KIRREL3: variants seen among roughly 807,000 people sequenced by gnomAD.
KIRREL3 encodes the protein kin of IRRE-like protein 3.
In KIRREL3, 36 loss-of-function variants were observed where a neutral mutation model predicts 89.7. The observed-to-expected ratio is 0.40, with a 90% CI of 0.31 to 0.53. The LOEUF is 0.53. KIRREL3 is among the 20% of genes least tolerant of loss of function. The probability of loss-of-function intolerance (pLI) is 0.49; values close to 1 mark genes in which losing one functional copy is unlikely to be tolerated. For synonymous variants in KIRREL3, 445 were observed against 441.4 expected (o/e 1.01, Z -0.10); for missense variants, 864 against 1,056.6 (o/e 0.82, Z 2.53).
At chr11:126,548,608 T>G (rs1007513122) in intron 2 of KIRREL3, among the ~76,000 whole-genome samples, 5 of 152,348 alleles carry the variant, frequency 3.3e-5, no homozygotes, top group Admixed American at 6.5e-5. Context: ...CATGTCAATT[T>G]CCAACCCTCC....
intron 1 of KIRREL3, chr11:126,944,964 G>T (rs1948575296): frequency 6.6e-6 from 1 of 152,132 alleles, no homozygotes; most frequent in Non-Finnish European, 1.5e-5. Context: ...TGGTTTACTG[G>T]AGTCCTATGT....
rs371598216 is a variant in KIRREL3, at chr11:126,456,393, A to G, written c.804T>C (p.Thr268=). The G allele has an allele frequency of 1.8e-5, 28 of 1,595,020 alleles. No homozygotes were observed. Among genetic ancestry groups the G allele is most frequent in the Non-Finnish European group, 2.2e-5 (26 of 1,170,938 alleles). The change falls in exon 7 of 17, where the codon ACT becomes ACC. Residue 268 remains threonine (T), a synonymous_variant. Coordinates refer to ENST00000525144, the MANE Select transcript of KIRREL3 (RefSeq NM_032531.4). ...GGTTGGCCTTTGCAGAGCAGTGGAA[A>G]GTGACGACGTTGTCCTCCAGCACTG... is the stretch of plus-strand genomic sequence containing the variant. ...PQPVLEDNVV[T]FHCSAKANPA... is the part of the protein sequence containing the mutation.
Position 126,473,371 on chromosome 11 carries a change from G to C in KIRREL3, c.529C>G (p.Pro177Ala). The C allele has an allele frequency of 6.4e-7, 1 of 1,574,488 alleles. No individual in the cohort carries two copies. The highest frequency in any genetic ancestry group is 1.2e-5 in the South Asian group (1 of 86,058). Reference sequence around the variant, plus strand: ...CGCAACCAGATGATGGAGGCTGCAGGCTTGGCATTGTCTGCGTGGCAGGTG... The same window carrying C: ...CGCAACCAGATGATGGAGGCTGCAGCCTTGGCATTGTCTGCGTGGCAGGTG... ...NLTCHADNAK[P>A]AASIIWLRKG... Residue 177 changes from proline (P) to alanine (A), a missense_variant, in exon 5 of 17, where the codon CCT becomes GCT. Transcript: ENST00000525144.
At chr11:126,468,021 G>A (rs576256726) in intron 5 of KIRREL3, among the ~76,000 whole-genome samples, 40 of 152,194 alleles carry the variant, frequency 2.6e-4, no homozygotes, top group Non-Finnish European at 5.0e-4. Flanking sequence ...GAGGCCAGTG[G>A]TCCTGGTGGT....
chr11:126,777,277 G>A (rs1440400464), intron 1 of KIRREL3, among the ~76,000 whole-genome samples: 3 of 152,134 alleles, frequency 2.0e-5, no homozygotes, highest in Non-Finnish European at 4.4e-5. Context: ...GAATTATCTG[G>A]CCCCAAATGT....
At chr11:126,925,979 G>A (rs1355368363) in intron 1 of KIRREL3, among the ~76,000 whole-genome samples, 3 of 152,222 alleles carry the variant, frequency 2.0e-5, no homozygotes, top group Non-Finnish European at 4.4e-5. Context: ...CTCATCCTAT[G>A]TACTGCAGTG....
In KIRREL3 at chr11:126,477,828, G is replaced by A. The variant is rs993203414; in HGVS notation, c.434-4362C>T. 2.6e-5 allele frequency among the ~76,000 whole-genome samples: 4 copies of A among 152,126 alleles called. No individual in the cohort carries two copies. Among genetic ancestry groups the A allele is most frequent in the Admixed American group, 2.0e-4 (3 of 15,264 alleles). ...ATGGCTGATCGGTGGCAGCTGGAGG[G>A]GTGGGGGACCAGCAGCACCACCCTC... On this transcript the variant is annotated intron_variant, in intron 4 of 16. Transcript: ENST00000525144. The surrounding 1 kb of genome is among the most constrained non-coding windows in gnomAD (Gnocchi z 4.8).
intron 1 of KIRREL3, among the ~76,000 whole-genome samples, chr11:126,774,213 A>G (rs1270236533): frequency 6.7e-6 from 1 of 150,290 alleles, no homozygotes; most frequent in African/African-American, 2.5e-5. Context: ...GGAAGTAGAG[A>G]AGAGGGTTAA....
At chr11:126,543,255 T>C (rs927336077) in intron 2 of KIRREL3, among the ~76,000 whole-genome samples, 3 of 152,158 alleles carry the variant, frequency 2.0e-5, no homozygotes, top group Non-Finnish European at 2.9e-5. Context: ...AAGGAGAGGT[T>C]TTGTGCTGGA....
At position 126,909,158 on chromosome 11, in the gene KIRREL3, T is replaced by A. The variant is rs1472283644; in HGVS notation, c.55+91297A>T. 6.6e-6 allele frequency among the ~76,000 whole-genome samples: 1 copy of A among 152,108 alleles called. No homozygotes were observed. Among genetic ancestry groups the A allele is most frequent in the African/African-American group, 2.4e-5 (1 of 41,412 alleles). On this transcript the variant is annotated intron_variant, in intron 1 of 16. Transcript: ENST00000525144. This position sits in a 1 kb window ranked among gnomAD's most constrained non-coding sequence, Gnocchi z 4.5. ...AATCTGAATGACCACCATGAAGACA[T>A]AGGTCACCATGAACATGAAGTGTGG...
intron 2 of KIRREL3, among the ~76,000 whole-genome samples, chr11:126,559,142 G>A (rs1026759418): frequency 1.3e-5 from 2 of 152,144 alleles, no homozygotes; most frequent in Non-Finnish European, 2.9e-5. Context: ...CCCAGGAAGG[G>A]GCTGTAGCAC....
rs530240192 is a variant in KIRREL3, at chr11:126,948,350, C to G, written c.55+52105G>C. ...ACTTTATAGAGGGATCTCAGTACAA[C>G]GGAGAACTCAGGGGAACCTAGGTCC... On this transcript the variant is annotated intron_variant, in intron 1 of 16. Coordinates refer to ENST00000525144, the MANE Select transcript of KIRREL3 (RefSeq NM_032531.4). The surrounding 1 kb of genome is among the most constrained non-coding windows in gnomAD (Gnocchi z 4.5). Among the ~76,000 whole-genome samples, 1 of 151,984 alleles carries G rather than the reference C, an allele frequency of 6.6e-6. No individual in the cohort carries two copies. The highest frequency in any genetic ancestry group is 1.5e-5 in the Non-Finnish European group (1 of 68,002).
chr11:126,954,757 T>C lies in KIRREL3; in HGVS notation c.55+45698A>G, dbSNP rs1948875046. ...CCTACCGTGGTAGGCTTCATCCCTG[T>C]AGATGGCCTGGCTTACCCTTGAACA... On this transcript the variant is annotated intron_variant, in intron 1 of 16. Transcript: ENST00000525144. This position sits in a 1 kb window ranked among gnomAD's most constrained non-coding sequence, Gnocchi z 4.1. Among the ~76,000 whole-genome samples the C allele has an allele frequency of 6.6e-6, 1 of 152,224 alleles. No homozygotes were observed. Among genetic ancestry groups the C allele is most frequent in the Non-Finnish European group, 1.5e-5 (1 of 68,040 alleles).
Position 126,449,023 on chromosome 11 carries a change from G to A in KIRREL3, c.983C>T (p.Thr328Met), listed in dbSNP as rs751857978. Residue 328 changes from threonine (T) to methionine (M), a missense_variant, in exon 8 of 17, where the codon ACG becomes ATG. Thr to Met is a moderately conservative substitution (Grantham distance 81). Coordinates refer to ENST00000525144, the MANE Select transcript of KIRREL3 (RefSeq NM_032531.4). ...ACTGCACTCACAGTAGACGTCAACC[G>A]TGCGGCTGAGGTTGGTGCTGCCCAG... ...NALGSTNLSR[T>M]VDVYFGPRMT... is the part of the protein sequence containing the mutation. The A allele has an allele frequency of 4.3e-6, 7 of 1,611,848 alleles. No individual in the cohort carries two copies. The highest frequency in any genetic ancestry group is 2.2e-5 in the East Asian group (1 of 44,824).
chr11:126,507,892 GC>G (rs2134386984), intron 4 of KIRREL3, among the ~76,000 whole-genome samples: 1 of 152,312 alleles, frequency 6.6e-6, no homozygotes, highest in Admixed American at 6.5e-5. Context: ...GCTCTCCCTT[GC>G]CCATGCCTCG....
At position 126,948,763 on chromosome 11, in the gene KIRREL3, G is replaced by T. The variant is rs1053413540; in HGVS notation, c.55+51692C>A. On this transcript the variant is annotated intron_variant, in intron 1 of 16. Coordinates refer to ENST00000525144, the MANE Select transcript of KIRREL3 (RefSeq NM_032531.4). This position sits in a 1 kb window ranked among gnomAD's most constrained non-coding sequence, Gnocchi z 4.5. ...GGTAAACAAAGTGGTACAATGGTTA[G>T]TTCAACTCCAGCAAGGCAGACAGCT... 1.3e-5 allele frequency among the ~76,000 whole-genome samples: 2 copies of T among 152,200 alleles called. No individual in the cohort carries two copies. The highest frequency in any genetic ancestry group is 2.4e-5 in the African/African-American group (1 of 41,450).
intron 13 of KIRREL3, among the ~76,000 whole-genome samples, chr11:126,433,054 T>C (rs1208392897): frequency 6.6e-6 from 1 of 152,154 alleles, no homozygotes; most frequent in Non-Finnish European, 1.5e-5. Context: ...AATTTTTGTA[T>C]TTTTAGTAGA....
At chr11:126,829,199 C>T (rs1946071) in intron 1 of KIRREL3, among the ~76,000 whole-genome samples, 131,420 of 152,200 alleles carry the variant, frequency 0.86, 57,086 homozygotes, top group East Asian at 1. Flanking sequence ...TGAGCTCCTG[C>T]GGAGTGTCCA....
chr11:126,992,623 T>C (rs1300067434), intron 1 of KIRREL3: 2 of 152,224 alleles, frequency 1.3e-5, no homozygotes, highest in African/African-American at 4.8e-5. Context: ...CTGAGTAGAA[T>C]TGTTTCACTT....
Sources: gnomAD v4.1 joint callset for allele counts (sites outside exome capture counted in the v4.1 genomes callset) on GRCh38, gnomAD v4.1.1 for gene constraint, Gnocchi (gnomAD v3.1) non-coding constraint, MANE v1.5 for transcripts, NCBI Gene and HGNC (gene_info 2026-07-23, HGNC 2026-07-21) for gene names.